Variants in LIX1L observed in about 807,000 individuals in gnomAD.
The protein encoded by LIX1L is LIX1-like protein.
LIX1L carries 20 observed loss-of-function variants against 34.0 expected under a neutral mutation model. The ratio of observed to expected loss-of-function variants is 0.59; its 90% CI spans 0.41 to 0.85. The LOEUF is 0.85. LIX1L is among the 40% of genes least tolerant of loss of function. The pLI is 0.00. For synonymous variants in LIX1L, 170 were observed against 187.4 expected, an observed-to-expected ratio of 0.91 and a Z score of 0.76; for missense variants, 397 against 447.0, an observed-to-expected ratio of 0.89 and a Z score of 1.01.
rs1553757654 is a variant in LIX1L, at chr1:145,935,555, T to A, written c.*755A>T. The A allele has an allele frequency of 6.6e-6, 1 of 152,316 alleles. No homozygotes were observed. The allele number at this position is 152,316 out of a possible 1,614,324, so 9.4% of individuals were successfully genotyped here. On this transcript the variant is annotated 3_prime_UTR_variant, in exon 6 of 6. Transcript: ENST00000604000. ...TAAGCTGGGGGAGTAGGGGAGATGTTTAGAGGGAATACTGAAAGAGAATCA... is the reference window on the plus strand; with the variant it reads ...TAAGCTGGGGGAGTAGGGGAGATGTATAGAGGGAATACTGAAAGAGAATCA...
chr1:145,952,159 C>A (rs182035142), intron 1 of LIX1L, among the ~76,000 whole-genome samples: 4 of 152,224 alleles, frequency 2.6e-5, no homozygotes, highest in Non-Finnish European at 4.4e-5. Flanking sequence ...TTTCCGGGGG[C>A]CAATATTCTT....
chr1:145,957,450 G>T (rs1345820617), intron 1 of LIX1L, among the ~76,000 whole-genome samples, 186 bp downstream of exon 1: 14 of 152,222 alleles, frequency 9.2e-5, no homozygotes, highest in Non-Finnish European at 1.9e-4. Flanking sequence ...CAGTAAAGGG[G>T]AGGAGGTAGG....
intron 2 of LIX1L, chr1:145,944,576 C>A (rs1276826259): frequency 1.3e-5 from 2 of 152,324 alleles, no homozygotes; most frequent in African/African-American, 4.8e-5. Flanking sequence ...AAAAAGTCAT[C>A]TGTGAAGAAA....
intron 1 of LIX1L, among the ~76,000 whole-genome samples, chr1:145,950,661 C>A (rs587621017): frequency 6.6e-6 from 1 of 152,158 alleles, no homozygotes; most frequent in African/African-American, 2.4e-5. Context: ...CCACCACGCC[C>A]GGCTGTAGTA....
chr1:145,940,492 A>G (rs1350614549), intron 3 of LIX1L, among the ~76,000 whole-genome samples: 1 of 147,666 alleles, frequency 6.8e-6, no homozygotes, highest in Non-Finnish European at 1.5e-5. Context: ...CATTACAGGC[A>G]TGTGCCACAA....
At chr1:145,947,911 T>C (rs1166021342) in intron 1 of LIX1L, 129 bp from the exon 2 acceptor site, 20 of 726,442 alleles carry the variant, frequency 2.8e-5, no homozygotes, top group African/African-American at 3.5e-5. Flanking sequence ...CCTATCGCCA[T>C]TGAAAAGCAT....
chr1:145,955,519 G>T (rs1271366623), intron 1 of LIX1L, among the ~76,000 whole-genome samples: 5 of 152,172 alleles, frequency 3.3e-5, no homozygotes, highest in Non-Finnish European at 7.3e-5. Context: ...GTATTCAGGG[G>T]AATACAGCCA....
At chr1:145,951,187 T>C (rs1326970923) in intron 1 of LIX1L, among the ~76,000 whole-genome samples, 2 of 152,176 alleles carry the variant, frequency 1.3e-5, no homozygotes, top group African/African-American at 4.8e-5. Context: ...GCTGGGATTA[T>C]AGGCACATGC....
intron 1 of LIX1L, among the ~76,000 whole-genome samples, chr1:145,950,629 G>A (rs1553759750): frequency 1.3e-5 from 2 of 152,062 alleles, no homozygotes; most frequent in African/African-American, 2.4e-5. Flanking sequence ...GCCTCCCAAA[G>A]TGCTGGGATT....
chr1:145,956,329 T>C (rs190347162), intron 1 of LIX1L, among the ~76,000 whole-genome samples: 2 of 152,308 alleles, frequency 1.3e-5, no homozygotes, highest in Admixed American at 6.5e-5. Flanking sequence ...GTTTACATTA[T>C]TAGGATTTAA....
Position 145,935,061 on chromosome 1 carries a change from G to C in LIX1L, c.*1249C>G, listed in dbSNP as rs1311347405. On this transcript the variant is annotated 3_prime_UTR_variant, in exon 6 of 6. Transcript: ENST00000604000. ...GTGTGCCTGTAATCCCAGCTACTCG[G>C]GAAGCTGAGGCAAGAGAATCGCTTG... is the stretch of plus-strand genomic sequence containing the variant. 4 of 151,242 alleles carry C rather than the reference G, an allele frequency of 2.6e-5. No individual in the cohort carries two copies. In the Admixed American group the frequency reaches 2.6e-4, roughly 10 times the overall value. The allele number at this position is 151,242 out of a possible 1,614,324, so 9.4% of individuals were successfully genotyped here.
chr1:145,937,733 T>G (rs1559237803), intron 3 of LIX1L, 34 bp from the exon 4 acceptor site: 1 of 1,284,588 alleles, frequency 7.8e-7, no homozygotes, highest in African/African-American at 1.5e-5. Context: ...ACAAATAGAT[T>G]TTCAACCAGG....
In LIX1L at chr1:145,935,234, G is replaced by A. The variant is rs189490477; in HGVS notation, c.*1076C>T. On this transcript the variant is annotated 3_prime_UTR_variant, in exon 6 of 6. Transcript: ENST00000604000. ...CATTGATTCTCTTTCCCTTCCTGCA[G>A]TCTCCCAAGGTGTCAATTAGGAAGT... 4.6e-5 allele frequency: 7 copies of A among 151,414 alleles called. No individual in the cohort carries two copies. Among genetic ancestry groups the A allele is most frequent in the Admixed American group, 2.6e-4 (4 of 15,228 alleles). 9.4% of individuals were successfully genotyped at this position (151,414 alleles called of 1,614,324 possible). A position where few individuals can be genotyped will look rare whatever the true frequency, so the allele number is the denominator to read the frequency against.
At chr1:145,953,865 G>A (rs1649381017) in intron 1 of LIX1L, among the ~76,000 whole-genome samples, 1 of 152,048 alleles carries the variant, frequency 6.6e-6, no homozygotes, top group African/African-American at 2.4e-5. Context: ...ATCAGCCTGG[G>A]CAACACTGTG....
intron 1 of LIX1L, among the ~76,000 whole-genome samples, chr1:145,953,977 T>C (rs1649384239): frequency 6.6e-6 from 1 of 151,722 alleles, no homozygotes; most frequent in South Asian, 2.1e-4. Flanking sequence ...GGAGGATCAC[T>C]GGAGCCCAGC....
intron 4 of LIX1L, chr1:145,937,283 C>A (rs1570959426): frequency 1.4e-5 from 3 of 209,660 alleles, no homozygotes; most frequent in South Asian, 2.1e-4. Context: ...TCAAGCAATT[C>A]TCGTGCTTCA....
chr1:145,944,570 A>T (rs1220168064), intron 2 of LIX1L: 1 of 152,340 alleles, frequency 6.6e-6, no homozygotes, highest in Admixed American at 6.5e-5. Context: ...TTGCTTAAAA[A>T]GTCATCTGTG....
At chr1:145,957,043 G>GT (rs1323890459) in intron 1 of LIX1L, among the ~76,000 whole-genome samples, 30 of 152,344 alleles carry the variant, frequency 2.0e-4, no homozygotes, top group African/African-American at 7.2e-4. Context: ...GGAAGCTGCT[G>GT]TGAGTTCAGT....
rs1042037454 is a variant in LIX1L, at chr1:145,945,606, A to G, written c.456+2013T>C. Among the ~76,000 whole-genome samples, 92 of 151,460 alleles carry G rather than the reference A, an allele frequency of 6.1e-4. No individual in the cohort carries two copies. In the Middle Eastern group the frequency reaches 0.01, roughly 17 times the overall value. On this transcript the variant is annotated intron_variant, in intron 2 of 5. Transcript: ENST00000604000. Reference sequence around the variant, plus strand: ...TACTAAAAATACAAAAAATTAGCTGAGCGTGGTGGCAGGTGCCTGTACTCC... The same window carrying G: ...TACTAAAAATACAAAAAATTAGCTGGGCGTGGTGGCAGGTGCCTGTACTCC...
Sources: gnomAD v4.1 joint callset for allele counts (sites outside exome capture counted in the v4.1 genomes callset) on GRCh38, gnomAD v4.1.1 for gene constraint, MANE v1.5 for transcripts, NCBI Gene and HGNC (gene_info 2026-07-23, HGNC 2026-07-21) for gene names.